The following CD9 variants were observed in gnomAD, a reference collection of about 807,000 sequenced individuals.
CD9 encodes CD9 antigen.
A neutral mutation model predicts 31.4 loss-of-function variants in CD9; 10 were observed. The observed-to-expected ratio is 0.32, with a 90% confidence interval of 0.20 to 0.54. The LOEUF (loss-of-function observed/expected upper bound fraction) is 0.54. Among genes scored for constraint, CD9 ranks in the 20% least tolerant of loss-of-function variants. CD9 has a pLI of 0.94. For synonymous variants in CD9, 113 were observed against 114.1 expected, an observed-to-expected ratio of 0.99 and a Z score of 0.06; for missense variants, 259 against 300.1, an observed-to-expected ratio of 0.86 and a Z score of 1.01.
At chr12:6,236,916 C>T (rs770620762) in intron 7 of CD9, among the ~76,000 whole-genome samples, 12 of 152,222 alleles carry the variant, frequency 7.9e-5, no homozygotes, top group East Asian at 1.9e-4. Flanking sequence ...CACCCTTCAC[C>T]GGCATCTTAA....
At chr12:6,210,500 A>G (rs1043835700) in intron 1 of CD9, among the ~76,000 whole-genome samples, 6 of 152,162 alleles carry the variant, frequency 3.9e-5, no homozygotes, top group African/African-American at 4.8e-5. Flanking sequence ...ACTGCCCCCA[A>G]GCGAGGCCAG....
chr12:6,220,412 C>T (rs1229935828), intron 1 of CD9, among the ~76,000 whole-genome samples: 1 of 152,058 alleles, frequency 6.6e-6, no homozygotes, highest in African/African-American at 2.4e-5. Context: ...CCACCCCTTT[C>T]GGGTTGGGAG....
At chr12:6,206,315 C>T (rs1946131806) in intron 1 of CD9, among the ~76,000 whole-genome samples, 1 of 151,896 alleles carries the variant, frequency 6.6e-6, no homozygotes, top group Non-Finnish European at 1.5e-5. Flanking sequence ...ACTCAACCTC[C>T]CAGCTCAGGC....
chr12:6,232,032 C>G lies in CD9; in HGVS notation c.176-600C>G, dbSNP rs11568259. ...ACTAGAGTCAGGTATTGGACCTTTG[C>G]CAAGAGGTGCCTTTGGGTGTTCCTA... On this transcript the variant is annotated intron_variant, in intron 2 of 7. Coordinates refer to ENST00000009180, the MANE Select transcript of CD9 (RefSeq NM_001769.4). The surrounding 1 kb of genome is among the most constrained non-coding windows in gnomAD (Gnocchi z 4.8). Among the ~76,000 whole-genome samples the G allele has an allele frequency of 0.012, 1,845 of 152,280 alleles. 27 individuals carry two copies. Among genetic ancestry groups the G allele is most frequent in the African/African-American group, 0.041 (1,696 of 41,554 alleles).
intron 2 of CD9, among the ~76,000 whole-genome samples, chr12:6,227,580 T>A (rs1366788425): frequency 6.6e-6 from 1 of 152,206 alleles, no homozygotes; most frequent in Non-Finnish European, 1.5e-5. Context: ...TCCCCTTAGC[T>A]CTACGAGGAG....
chr12:6,211,091 C>CG (rs1946189740), intron 1 of CD9, among the ~76,000 whole-genome samples: 1 of 152,280 alleles, frequency 6.6e-6, no homozygotes, highest in Non-Finnish European at 1.5e-5. Flanking sequence ...CCGCCTTGGC[C>CG]TCCCAAAGTG....
intron 1 of CD9, among the ~76,000 whole-genome samples, chr12:6,222,994 C>A (rs186719640): frequency 6.6e-6 from 1 of 152,214 alleles, no homozygotes. Flanking sequence ...GCTTGATAAG[C>A]ACAAGCCTAG....
At chr12:6,200,205 G>A (rs201317601), upstream of CD9, 1,013 of 159,954 alleles carry the variant, frequency 6.3e-3, 21 homozygotes, top group East Asian at 0.038. Context: ...GCTCCGCGGG[G>A]CAGCTGGGGC....
At chr12:6,218,907 C>T (rs1055623001) in intron 1 of CD9, among the ~76,000 whole-genome samples, 4 of 152,012 alleles carry the variant, frequency 2.6e-5, no homozygotes, top group Admixed American at 2.0e-4. Flanking sequence ...TACCTGTGTT[C>T]GTCAAACATA....
At position 6,235,559 on chromosome 12, in the gene CD9, C is replaced by G. The variant is rs80271009; in HGVS notation, c.531C>G (p.Thr177=). 1 of 1,611,576 alleles carries G rather than the reference C, an allele frequency of 6.2e-7. No individual in the cohort carries two copies. Among genetic ancestry groups the G allele is most frequent in the Admixed American group, 1.7e-5 (1 of 59,918 alleles). ...CPKKDVLETF[T]VKSCPDAIKE... is the part of the protein sequence containing the mutation. Reference sequence around the variant, plus strand: ...AGAAGGACGTACTCGAAACCTTCACCGTGAAGGTAAACTCAGACCAGGATC... The same window carrying G: ...AGAAGGACGTACTCGAAACCTTCACGGTGAAGGTAAACTCAGACCAGGATC... The change falls in exon 6 of 8, where the codon ACC becomes ACG. Residue 177 remains threonine (T), a synonymous_variant. Transcript: ENST00000009180.
rs370851651 is a variant in CD9, at chr12:6,235,306, G to A, written c.426G>A (p.Thr142=). The change falls in exon 5 of 8, where the codon ACG becomes ACA. Residue 142 remains threonine, a synonymous_variant. Coordinates refer to ENST00000009180, the MANE Select transcript of CD9 (RefSeq NM_001769.4). ...CCAAGGATGAGCCCCAGCGGGAAACGCTGAAAGCCATCCACTATGCGGTAT... is the reference window on the plus strand; with the variant it reads ...CCAAGGATGAGCCCCAGCGGGAAACACTGAAAGCCATCCACTATGCGGTAT... ...LKTKDEPQRE[T]LKAIHYALNC... 8.3e-4 allele frequency: 1,342 copies of A among 1,614,182 alleles called. 20 individuals carry two copies. The South Asian group carries it at 0.014, about 16-fold the overall frequency.
chr12:6,222,389 A>T (rs1034511553), intron 1 of CD9, among the ~76,000 whole-genome samples: 1 of 151,984 alleles, frequency 6.6e-6, no homozygotes, highest in Non-Finnish European at 1.5e-5. Context: ...CTCCTCTCTT[A>T]TTGTGAGTTG....
intron 1 of CD9, among the ~76,000 whole-genome samples, chr12:6,222,858 C>T (rs1946309875): frequency 1.3e-5 from 2 of 152,230 alleles, no homozygotes; most frequent in South Asian, 4.1e-4. Flanking sequence ...CCTCATCTTA[C>T]AGCTTAGTTC....
At chr12:6,236,388 C>G (rs1946524834) in intron 7 of CD9, 113 bp downstream of exon 7, 2 of 898,316 alleles carry the variant, frequency 2.2e-6, no homozygotes, top group Admixed American at 2.1e-5. Context: ...ACTTTGTCCT[C>G]GTGCCCTTAG....
At position 6,232,580 on chromosome 12, in the gene CD9, G is replaced by A; in HGVS notation, c.176-52G>A. ...AAACAGGAATTGCCGGAGATGCCTG[G>A]GCCTCTGAACTGATGTCTCCACGCG... is the stretch of plus-strand genomic sequence containing the variant. On this transcript the variant is annotated intron_variant, in intron 2 of 7. Coordinates refer to ENST00000009180, the MANE Select transcript of CD9 (RefSeq NM_001769.4). The surrounding 1 kb of genome is among the most constrained non-coding windows in gnomAD (Gnocchi z 4.8). The A allele has an allele frequency of 8.9e-7, 1 of 1,121,628 alleles. No homozygotes were observed. The highest frequency in any genetic ancestry group is 1.3e-5 in the South Asian group (1 of 75,610). The allele number at this position is 1,121,628 out of a possible 1,614,324, so 69.5% of individuals were successfully genotyped here.
intron 1 of CD9, among the ~76,000 whole-genome samples, chr12:6,214,466 C>T (rs1049437487): frequency 6.6e-6 from 1 of 150,574 alleles, no homozygotes; most frequent in Admixed American, 6.7e-5. Flanking sequence ...CCTTCCTCAG[C>T]CCCCCAAGTA....
Position 6,232,617 on chromosome 12 carries a change from T to G in CD9, c.176-15T>G. On this transcript the variant is annotated splice_polypyrimidine_tract_variant and intron_variant, in intron 2 of 7. Transcript: ENST00000009180. The surrounding 1 kb of genome is among the most constrained non-coding windows in gnomAD (Gnocchi z 4.8). ...GATGTCTCCACGCGTGTGTGCTTCC[T>G]CTGTCCTCCCGCAGGAGTCTATATT... 1 of 1,532,722 alleles carries G rather than the reference T, an allele frequency of 6.5e-7. No homozygotes were observed. The highest frequency in any genetic ancestry group is 1.2e-5 in the South Asian group (1 of 84,148). 94.9% of individuals were successfully genotyped at this position (1,532,722 alleles called of 1,614,324 possible). A position where few individuals can be genotyped will look rare whatever the true frequency, so the allele number is the denominator to read the frequency against.
intron 1 of CD9, among the ~76,000 whole-genome samples, chr12:6,215,019 A>C (rs1371092253): frequency 6.6e-6 from 1 of 152,084 alleles, no homozygotes; most frequent in Non-Finnish European, 1.5e-5. Flanking sequence ...ACCTCTCTGC[A>C]TCCTCACCCT....
At chr12:6,209,962 G>C (rs1946176246) in intron 1 of CD9, among the ~76,000 whole-genome samples, 1 of 152,210 alleles carries the variant, frequency 6.6e-6, no homozygotes, top group African/African-American at 2.4e-5. Flanking sequence ...TGGGATTACA[G>C]GCGTGAGTCA....
Sources: allele counts gnomAD v4.1 joint callset (sites outside exome capture counted in the v4.1 genomes callset), GRCh38; gene constraint gnomAD v4.1.1; non-coding constraint Gnocchi (gnomAD v3.1); transcripts MANE v1.5; gene names NCBI Gene and HGNC (gene_info 2026-07-23, HGNC 2026-07-21).